GRB14: variants seen among roughly 807,000 people sequenced by gnomAD.
The protein encoded by GRB14 is growth factor receptor bound protein 14.
A neutral mutation model predicts 69.1 loss-of-function variants in GRB14; 38 were observed. That is an observed-to-expected ratio of 0.55 (90% CI 0.42 to 0.72). The LOEUF (loss-of-function observed/expected upper bound fraction) is 0.72. Ranked by LOEUF, GRB14 falls within the 30% of genes least tolerant of loss-of-function variation. The probability of loss-of-function intolerance (pLI) is 0.00; values close to 1 mark genes in which losing one functional copy is unlikely to be tolerated. For missense variants in GRB14, 666 were observed against 666.1 expected (o/e 1.00, Z 0.00); for synonymous variants, 247 against 241.3 (o/e 1.02, Z -0.22).
intron 5 of GRB14, among the ~76,000 whole-genome samples, chr2:164,524,177 T>C (rs538724343): frequency 6.6e-6 from 1 of 152,166 alleles, no homozygotes; most frequent in African/African-American, 2.4e-5. Context: ...CTGGAAATAT[T>C]AAAAGTTGTC....
chr2:164,587,839 C>T (rs1421369731), intron 2 of GRB14, among the ~76,000 whole-genome samples: 1 of 152,118 alleles, frequency 6.6e-6, no homozygotes, highest in African/African-American at 2.4e-5. Context: ...AAGCTTTTCT[C>T]ACAGAAGTAA....
chr2:164,559,616 T>C (rs1386896165), intron 2 of GRB14, among the ~76,000 whole-genome samples: 2 of 152,228 alleles, frequency 1.3e-5, no homozygotes, highest in South Asian at 2.1e-4. Context: ...CAAATGCCAT[T>C]ACTGCATTCC....
At chr2:164,611,283 A>C (rs1221635126) in intron 2 of GRB14, among the ~76,000 whole-genome samples, 1 of 152,192 alleles carries the variant, frequency 6.6e-6, no homozygotes, top group Non-Finnish European at 1.5e-5. Flanking sequence ...GAATGAACCA[A>C]GATAAGCTAA....
chr2:164,588,836 A>G (rs1689594757), intron 2 of GRB14, among the ~76,000 whole-genome samples: 1 of 152,224 alleles, frequency 6.6e-6, no homozygotes. Context: ...AATTTTAAGT[A>G]ACATCGTTCT....
At chr2:164,558,512 C>G (rs993737117) in intron 2 of GRB14, among the ~76,000 whole-genome samples, 3 of 152,112 alleles carry the variant, frequency 2.0e-5, no homozygotes, top group African/African-American at 7.2e-5. Context: ...CTAAAGTTTC[C>G]GATGATTTCA....
chr2:164,492,961 C>T lies in GRB14; in HGVS notation c.*75G>A. 7.3e-7 allele frequency: 1 copy of T among 1,361,102 alleles called. No individual in the cohort carries two copies. Among genetic ancestry groups the T allele is most frequent in the Non-Finnish European group, 1.0e-6 (1 of 1,002,302 alleles). The allele number at this position is 1,361,102 out of a possible 1,614,324, so 84.3% of individuals were successfully genotyped here. A position where few individuals can be genotyped will look rare whatever the true frequency, so the allele number is the denominator to read the frequency against. ...TTCTTTTCACATGGTAATGTTTTCGCCCTTATTTATGGTCTTTTATTATTT... is the reference window on the plus strand; with the variant it reads ...TTCTTTTCACATGGTAATGTTTTCGTCCTTATTTATGGTCTTTTATTATTT... On this transcript the variant is annotated 3_prime_UTR_variant, in exon 14 of 14. Coordinates refer to ENST00000263915, the MANE Select transcript of GRB14 (RefSeq NM_004490.3).
chr2:164,582,521 A>G (rs965856513), intron 2 of GRB14, among the ~76,000 whole-genome samples: 6 of 151,324 alleles, frequency 4.0e-5, no homozygotes, highest in Admixed American at 6.6e-5. Context: ...TCCCAGGTTC[A>G]GGCAATTCTC....
chr2:164,603,692 C>T (rs13394222), intron 2 of GRB14, among the ~76,000 whole-genome samples: 112,593 of 149,432 alleles, frequency 0.75, 43,174 homozygotes, highest in Admixed American at 0.81. Context: ...ATTAACTCGA[C>T]GAAAAAATAT....
rs372525023 is a variant in GRB14, at chr2:164,508,486, G to T, written c.992C>A (p.Thr331Lys). The change falls in exon 8 of 14, where the codon ACG (threonine) becomes AAG (lysine). Residue 331 changes from threonine (T) to lysine (K), a missense_variant. Coordinates refer to ENST00000263915, the MANE Select transcript of GRB14 (RefSeq NM_004490.3). ...MLCAEEEQSR[T>K]CWVTAIRLLK... ...CAATCTAATCGCGGTCACCCAGCAC[G>T]TCCTACTCTGCTCTTCTTCTGCACA... 3 of 1,614,004 alleles carry T rather than the reference G, an allele frequency of 1.9e-6. No homozygotes were observed. The highest frequency in any genetic ancestry group is 2.5e-6 in the Non-Finnish European group (3 of 1,179,964).
At chr2:164,507,308 T>C (rs748495030) in intron 8 of GRB14, among the ~76,000 whole-genome samples, 4 of 152,132 alleles carry the variant, frequency 2.6e-5, no homozygotes, top group Non-Finnish European at 5.9e-5. Context: ...TGCAAATCAA[T>C]TGAAAAGTTT....
intron 2 of GRB14, among the ~76,000 whole-genome samples, chr2:164,602,169 AG>A (rs1689930834): frequency 6.8e-6 from 1 of 147,694 alleles, no homozygotes; most frequent in African/African-American, 2.5e-5. Context: ...AGGGAAGAGA[AG>A]GGAAGAGAAG....
At chr2:164,546,728 G>A (rs1223052501) in intron 3 of GRB14, among the ~76,000 whole-genome samples, 2 of 152,150 alleles carry the variant, frequency 1.3e-5, no homozygotes, top group South Asian at 2.1e-4. Context: ...AGGAAGCATC[G>A]TGATTGCCTG....
chr2:164,497,187 G>A (rs755754458), intron 11 of GRB14, 24 bp downstream of exon 11: 14 of 1,605,564 alleles, frequency 8.7e-6, no homozygotes, highest in Middle Eastern at 1.6e-4. Context: ...TCTACTCAGT[G>A]GCAATGACTA....
At chr2:164,560,966 GCTT>G (rs759622488) in intron 2 of GRB14, among the ~76,000 whole-genome samples, 186 of 152,120 alleles carry the variant, frequency 1.2e-3, no homozygotes, top group Non-Finnish European at 2.2e-3. Flanking sequence ...CAAAAGTCTT[GCTT>G]CTTTTTTTTC....
intron 2 of GRB14, among the ~76,000 whole-genome samples, chr2:164,568,678 C>CT (rs1171817202): frequency 6.6e-6 from 1 of 152,146 alleles, no homozygotes; most frequent in African/African-American, 2.4e-5. Context: ...GTTCGCTCAA[C>CT]TTTTTTTCCA....
At chr2:164,558,747 C>T (rs774184141) in intron 2 of GRB14, among the ~76,000 whole-genome samples, 4 of 152,106 alleles carry the variant, frequency 2.6e-5, no homozygotes, top group Admixed American at 6.6e-5. Context: ...AGCCATAAGA[C>T]ATGTCTAAGT....
chr2:164,596,825 G>A (rs1689792396), intron 2 of GRB14, among the ~76,000 whole-genome samples: 1 of 151,928 alleles, frequency 6.6e-6, no homozygotes. Context: ...TTATCCTTGG[G>A]GAAAGCTGGA....
intron 2 of GRB14, among the ~76,000 whole-genome samples, chr2:164,610,334 C>T (rs943463727): frequency 4.6e-5 from 7 of 152,016 alleles, no homozygotes; most frequent in African/African-American, 1.7e-4. Context: ...ACACAGTAAA[C>T]TTAAAGAAAG....
At chr2:164,618,815 G>A (rs577815106) in intron 2 of GRB14, among the ~76,000 whole-genome samples, 1 of 152,156 alleles carries the variant, frequency 6.6e-6, no homozygotes, top group Non-Finnish European at 1.5e-5. Context: ...ATGGCCAACT[G>A]TCTTGTCCTC....
Sources: allele counts gnomAD v4.1 joint callset (sites outside exome capture counted in the v4.1 genomes callset), GRCh38; gene constraint gnomAD v4.1.1; transcripts MANE v1.5; gene names NCBI Gene and HGNC (gene_info 2026-07-23, HGNC 2026-07-21).